NHSL2: variants seen among roughly 807,000 people sequenced by gnomAD.
NHSL2 encodes the protein NHS like 2, also known as NHS-like protein 2.
Under a neutral mutation model 53.4 loss-of-function variants are expected in NHSL2, and 27 were observed. That is an observed-to-expected ratio of 0.51 (90% confidence interval 0.37 to 0.70). The LOEUF (loss-of-function observed/expected upper bound fraction) is 0.70, where lower values mean the gene tolerates loss of function less well. Among genes scored for constraint, NHSL2 ranks in the 30% least tolerant of loss-of-function variants. The pLI, the probability that NHSL2 is intolerant of heterozygous loss-of-function variation, is 0.00. For synonymous variants in NHSL2, 408 were observed against 404.1 expected (o/e 1.01, Z -0.12); for missense variants, 892 against 980.1 (o/e 0.91, Z 1.20).
intron 1 of NHSL2, among the ~76,000 whole-genome samples, chrX:72,046,889 A>G (rs917203781): frequency 1.8e-5 from 2 of 110,224 alleles, no homozygotes; most frequent in Admixed American, 9.6e-5. Context: ...CCCCCAAACA[A>G]CATTATTAAT....
chrX:72,115,529 G>A (rs1249134792), intron 1 of NHSL2, among the ~76,000 whole-genome samples: 4 of 110,218 alleles, frequency 3.6e-5, no homozygotes, highest in East Asian at 2.9e-4. Flanking sequence ...GGCTACAGGC[G>A]CCAGGCAAGT....
rs765667441 is a variant in NHSL2 at position 72,140,669 on chromosome X, G to A, written c.3121G>A (p.Glu1041Lys). The change falls in exon 6 of 8, where the codon GAA becomes AAA. Residue 1041 changes from glutamate (E) to lysine (K), a missense_variant. Physicochemically the swap from Glu to Lys is moderately conservative, Grantham distance 56 (BLOSUM62 1). Transcript: ENST00000633930. ...LPLSPIITLE[E>K]DTKCPATGDD... is the part of the protein sequence containing the mutation. ...TCTCAGCCCCATCATCACCCTGGAG[G>A]AAGACACCAAGTGTCCCGCCACCGG... The A allele has an allele frequency of 8.3e-7, 1 of 1,211,365 alleles. No homozygotes were observed. Among genetic ancestry groups the A allele is most frequent in the Non-Finnish European group, 1.1e-6 (1 of 894,852 alleles).
intron 1 of NHSL2, among the ~76,000 whole-genome samples, chrX:72,124,268 C>G (rs956053185): frequency 9.0e-6 from 1 of 110,825 alleles, no homozygotes; most frequent in Non-Finnish European, 1.9e-5. Context: ...CCTGGTTTCT[C>G]GGGGGCAGAA....
intron 1 of NHSL2, among the ~76,000 whole-genome samples, chrX:72,055,394 G>A (rs2042363716): frequency 8.9e-6 from 1 of 112,420 alleles, no homozygotes; most frequent in African/African-American, 3.2e-5. Flanking sequence ...CCCAGAAATC[G>A]ATTGACCTCC....
chrX:72,143,637 G>A lies in NHSL2; in HGVS notation c.*63G>A, dbSNP rs2042438005. 2 of 758,305 alleles carry A rather than the reference G, an allele frequency of 2.6e-6. No individual in the cohort carries two copies. Among genetic ancestry groups the A allele is most frequent in the East Asian group, 3.5e-5 (1 of 28,533 alleles). The allele number at this position is 758,305 out of a possible 1,213,427, so 62.5% of individuals were successfully genotyped here. A position where few individuals can be genotyped will look rare whatever the true frequency, so the allele number is the denominator to read the frequency against. The stretch of plus-strand genomic sequence containing the variant: ...TGAGTAGAGAAGGGGGAAGAGAAAG[G>A]GTCTTTAAACAGAACCATGGGAACA... On this transcript the variant is annotated 3_prime_UTR_variant, in exon 8 of 8. Coordinates refer to ENST00000633930, the MANE Select transcript of NHSL2 (RefSeq NM_001013627.3).
Position 72,067,858 on chromosome X carries a change from T to A in NHSL2, c.281-64221T>A, listed in dbSNP as rs894290903. ...CTGAGACAGCCTGAAGTCAGTAGCT[T>A]GAGAGATGTTTGTGGAATTGTTGAA... On this transcript the variant is annotated intron_variant, in intron 1 of 7. Coordinates refer to ENST00000633930, the MANE Select transcript of NHSL2 (RefSeq NM_001013627.3). Among the ~76,000 whole-genome samples, 7 of 112,058 alleles carry A rather than the reference T, an allele frequency of 6.2e-5. No individual in the cohort carries two copies. In the South Asian group the frequency reaches 2.6e-3, roughly 42 times the overall value.
chrX:72,026,469 C>G (rs1027137122), intron 1 of NHSL2, among the ~76,000 whole-genome samples: 7 of 112,268 alleles, frequency 6.2e-5, no homozygotes, highest in African/African-American at 2.3e-4. Flanking sequence ...AGAACAGAAG[C>G]CCAGGCATGG....
chrX:72,119,997 T>C (rs1420588467), intron 1 of NHSL2, among the ~76,000 whole-genome samples: 4 of 112,521 alleles, frequency 3.6e-5, no homozygotes, highest in Non-Finnish European at 7.5e-5. Context: ...TCTATCGATA[T>C]GGTGTATTAC....
Position 72,149,477 on chromosome X carries a change from G to A in NHSL2, c.*5903G>A, listed in dbSNP as rs1202654120. On this transcript the variant is annotated 3_prime_UTR_variant, in exon 8 of 8. Coordinates refer to ENST00000633930, the MANE Select transcript of NHSL2 (RefSeq NM_001013627.3). ...CTTTATAGACATTTATTCCTTAGGT[G>A]GTCTTGAGCTTTTTCTAACATCCAA... The A allele has an allele frequency of 8.9e-6, 1 of 112,073 alleles. No individual in the cohort carries two copies. Among genetic ancestry groups the A allele is most frequent in the East Asian group, 2.8e-4 (1 of 3,584 alleles). The allele number at this position is 112,073 out of a possible 1,213,427, so 9.2% of individuals were successfully genotyped here. A position where few individuals can be genotyped will look rare whatever the true frequency, so the allele number is the denominator to read the frequency against.
chrX:72,115,091 G>A (rs942830126), intron 1 of NHSL2, among the ~76,000 whole-genome samples: 1 of 111,447 alleles, frequency 9.0e-6, no homozygotes, highest in Admixed American at 9.5e-5. Context: ...AACACACAGC[G>A]AGGTCGTGAT....
chrX:72,038,268 G>A (rs1490684542), intron 1 of NHSL2, among the ~76,000 whole-genome samples: 2 of 112,200 alleles, frequency 1.8e-5, no homozygotes, highest in African/African-American at 6.5e-5. Flanking sequence ...CCTTAACAAA[G>A]GGGTATGGGT....
At chrX:72,002,902 G>A (rs2042077836) in intron 1 of NHSL2, among the ~76,000 whole-genome samples, 1 of 111,023 alleles carries the variant, frequency 9.0e-6, no homozygotes, top group Non-Finnish European at 1.9e-5. Flanking sequence ...CTGATAAGAT[G>A]AGGGAAATAC....
At chrX:71,962,857 C>G (rs772298733) in intron 1 of NHSL2, among the ~76,000 whole-genome samples, 1 of 109,701 alleles carries the variant, frequency 9.1e-6, no homozygotes, top group Admixed American at 9.8e-5. Context: ...AGGCTGGTCT[C>G]TAACTCCTGG....
rs771440844 is a variant in NHSL2 at position 72,130,745 on chromosome X, A to C, written c.281-1334A>C. 1.2e-5 allele frequency: 15 copies of C among 1,210,294 alleles called. No individual in the cohort carries two copies. In the South Asian group the frequency reaches 2.6e-4, roughly 21 times the overall value. On this transcript the variant is annotated intron_variant, in intron 1 of 7. Coordinates refer to ENST00000633930, the MANE Select transcript of NHSL2 (RefSeq NM_001013627.3). ...TTTTGGAGGCGGCAGTCATCCCAAG[A>C]CAAGAATTGGGCCAGGAACTGAAAA...
At chrX:72,068,997 G>A (rs1462891445) in intron 1 of NHSL2, among the ~76,000 whole-genome samples, 1 of 112,811 alleles carries the variant, frequency 8.9e-6, no homozygotes, top group Non-Finnish European at 1.9e-5. Flanking sequence ...GGAGCCCAGA[G>A]CTCATTGGCA....
intron 1 of NHSL2, among the ~76,000 whole-genome samples, chrX:72,058,539 T>C (rs1180426240): frequency 8.9e-6 from 1 of 111,806 alleles, no homozygotes; most frequent in African/African-American, 3.3e-5. Context: ...GAGACGGGGT[T>C]TCCCCTTGTT....
chrX:71,911,928 C>T (rs1249798604), intron 1 of NHSL2, among the ~76,000 whole-genome samples: 1 of 111,705 alleles, frequency 9.0e-6, no homozygotes, highest in African/African-American at 3.3e-5. Context: ...ACAGGAGTGT[C>T]TGAGCGTCCT....
chrX:72,104,540 G>T (rs2042022755), intron 1 of NHSL2, among the ~76,000 whole-genome samples: 1 of 111,795 alleles, frequency 8.9e-6, no homozygotes, highest in Admixed American at 9.5e-5. Flanking sequence ...ATGGGCATGT[G>T]TTCTGCTCAC....
chrX:72,015,814 G>T (rs1454344145), intron 1 of NHSL2, among the ~76,000 whole-genome samples: 1 of 112,034 alleles, frequency 8.9e-6, no homozygotes, highest in African/African-American at 3.2e-5. Flanking sequence ...CATATACTTT[G>T]CCCATATTTA....
Sources: gnomAD v4.1 joint callset for allele counts (sites outside exome capture counted in the v4.1 genomes callset) on GRCh38, gnomAD v4.1.1 for gene constraint, MANE v1.5 for transcripts, NCBI Gene and HGNC (gene_info 2026-07-23, HGNC 2026-07-21) for gene names.